The following ZC3H11B variants were observed in gnomAD, a reference collection of about 807,000 sequenced individuals.
ZC3H11B encodes zinc finger CCCH-type containing 11B, also known as zinc finger CCCH domain-containing protein 11B.
Under a neutral mutation model 34.0 loss-of-function variants are expected in ZC3H11B, and 3 were observed. The ratio of observed to expected loss-of-function variants is 0.09; its 90% CI spans 0.04 to 0.23. The LOEUF (loss-of-function observed/expected upper bound fraction) is 0.23, where lower values mean the gene tolerates loss of function less well. Ranked by LOEUF, ZC3H11B falls within the 10% of genes least tolerant of loss-of-function variation. The probability of loss-of-function intolerance (pLI) is 1.00; values close to 1 mark genes in which losing one functional copy is unlikely to be tolerated. For synonymous variants in ZC3H11B, 33 were observed against 250.1 expected (o/e 0.13, Z 8.19); for missense variants, 99 against 660.1 (o/e 0.15, Z 9.31).
At chr1:219,608,688 T>C (rs1667952816) in exon 2 of ZC3H11B, 1 of 151,730 alleles carries the variant, frequency 6.6e-6, no homozygotes, top group Non-Finnish European at 1.5e-5. Context: ...AGATAAATAT[T>C]GGCAGCTTGA....
exon 2 of ZC3H11B, chr1:219,612,204 A>T: frequency 1.6e-6 from 1 of 643,334 alleles, no homozygotes; most frequent in South Asian, 1.9e-5. Flanking sequence ...TTTAAACTGT[A>T]ATCATTAGCT....
exon 1 of ZC3H11B, chr1:219,612,992 C>G (rs1668020852): frequency 4.1e-6 from 1 of 245,328 alleles, no homozygotes; most frequent in Admixed American, 5.5e-5. Context: ...GTAGTGGGAC[C>G]CGAACCGATG....
exon 2 of ZC3H11B, chr1:219,609,116 C>T (rs1461307513): frequency 5.7e-6 from 1 of 174,146 alleles, no homozygotes; most frequent in African/African-American, 2.4e-5. Flanking sequence ...TTAGTTGAAT[C>T]TCTAAATACC....
chr1:219,608,889 T>C (rs906404133), exon 2 of ZC3H11B: 3 of 152,634 alleles, frequency 2.0e-5, no homozygotes, highest in Non-Finnish European at 4.4e-5. Context: ...CCTCTAATCA[T>C]GTCACCATCT....
chr1:219,611,842 C>T (rs1353106418), exon 2 of ZC3H11B: 1 of 1,094,300 alleles, frequency 9.1e-7, no homozygotes, highest in Non-Finnish European at 1.3e-6. Flanking sequence ...TTTTTGACAT[C>T]CTGTTGGCTG....
exon 2 of ZC3H11B, chr1:219,609,211 C>T (rs3814343): frequency 5.5e-6 from 1 of 183,182 alleles, no homozygotes; most frequent in South Asian, 1.1e-4. Flanking sequence ...ATGGTAGCAG[C>T]TGTCTTCATC....
exon 2 of ZC3H11B, chr1:219,612,503 T>C (rs1668015459): frequency 2.0e-5 from 3 of 149,508 alleles, no homozygotes; most frequent in South Asian, 2.1e-4. Flanking sequence ...CATTTAAAGA[T>C]GAACTTGAGA....
chr1:219,608,015 A>T (rs1337926464), exon 2 of ZC3H11B, among the ~76,000 whole-genome samples: 28 of 151,702 alleles, frequency 1.8e-4, no homozygotes, highest in Admixed American at 6.6e-5. Context: ...CGAAACATTG[A>T]CTAATACAAG....
At position 219,608,514 on chromosome 1, in the gene ZC3H11B, C is replaced by T. The variant is rs549262473; in HGVS notation, c.*1131G>A. ...TTTCAAGACTATTATTTCCATCATG[C>T]TTATTCCTTCACAAATCTAAACCTT... On this transcript the variant is annotated 3_prime_UTR_variant, in exon 2 of 2. Coordinates refer to ENST00000651890, the Ensembl canonical transcript of ZC3H11B. 6 of 152,168 alleles carry T rather than the reference C, an allele frequency of 3.9e-5. No homozygotes were observed. In the South Asian group the frequency reaches 1.1e-3, roughly 27 times the overall value. 9.4% of individuals were successfully genotyped at this position (152,168 alleles called of 1,614,324 possible). A position where few individuals can be genotyped will look rare whatever the true frequency, so the allele number is the denominator to read the frequency against.
exon 2 of ZC3H11B, chr1:219,612,237 T>C: frequency 1.7e-6 from 1 of 599,512 alleles, no homozygotes; most frequent in Non-Finnish European, 3.0e-6. Flanking sequence ...CAGGAACGTC[T>C]GTGTCTTCAC....
At chr1:219,609,112 G>C (rs1285897666) in exon 2 of ZC3H11B, 1 of 172,384 alleles carries the variant, frequency 5.8e-6, no homozygotes, top group Non-Finnish European at 1.3e-5. Flanking sequence ...AAGCTTAGTT[G>C]AATCTCTAAA....
chr1:219,612,832 A>G (rs868060988), intron 1 of ZC3H11B, 99 bp downstream of exon 1: 6 of 326,862 alleles, frequency 1.8e-5, no homozygotes, highest in Middle Eastern at 8.0e-4. Flanking sequence ...GGTTTCACCA[A>G]TCCTACAAGG....
exon 2 of ZC3H11B, chr1:219,609,195 C>T (rs147350472): frequency 1.1e-5 from 2 of 181,468 alleles, no homozygotes; most frequent in South Asian, 1.1e-4. Flanking sequence ...TAAAATTTGG[C>T]CCTTAATGGT....
At chr1:219,608,559 C>G (rs1667951493) in exon 2 of ZC3H11B, 1 of 151,886 alleles carries the variant, frequency 6.6e-6, no homozygotes, top group South Asian at 2.1e-4. Flanking sequence ...TGAAGGAAAC[C>G]AACATCAAGA....
chr1:219,610,508 C>G, exon 2 of ZC3H11B: 2 of 1,273,756 alleles, frequency 1.6e-6, no homozygotes, highest in Non-Finnish European at 2.3e-6. Context: ...TTCTTCTCTT[C>G]TTTCCTCCAT....
chr1:219,609,368 T>C, exon 2 of ZC3H11B: 2 of 487,824 alleles, frequency 4.1e-6, no homozygotes, highest in Non-Finnish European at 7.4e-6. Context: ...AGTCTCTTTT[T>C]TGTGGAGAGA....
exon 2 of ZC3H11B, chr1:219,612,154 G>T (rs1167339451): frequency 1.7e-6 from 1 of 598,542 alleles, no homozygotes; most frequent in Non-Finnish European, 3.0e-6. Context: ...CGTGAAATGG[G>T]TTTAATCTTC....
chr1:219,608,827 G>A (rs1322972652), exon 2 of ZC3H11B: 2 of 152,766 alleles, frequency 1.3e-5, no homozygotes, highest in Non-Finnish European at 2.9e-5. Context: ...ATGCCAGCAA[G>A]GAGGCAAGTA....
chr1:219,608,652 C>T (rs1243450222), exon 2 of ZC3H11B: 1 of 151,906 alleles, frequency 6.6e-6, no homozygotes, highest in Admixed American at 6.6e-5. Flanking sequence ...TGGCACAGTA[C>T]AATTCAGTGT....
Sources: allele counts gnomAD v4.1 joint callset (sites outside exome capture counted in the v4.1 genomes callset), GRCh38; gene constraint gnomAD v4.1.1; transcripts MANE v1.5; gene names NCBI Gene and HGNC (gene_info 2026-07-23, HGNC 2026-07-21).